Variants in ADAM12 observed in about 807,000 individuals in gnomAD.
ADAM12 encodes the protein disintegrin and metalloproteinase domain-containing protein 12.
A neutral mutation model predicts 106.4 loss-of-function variants in ADAM12; 70 were observed. The ratio of observed to expected loss-of-function variants is 0.66; its 90% CI spans 0.54 to 0.80. ADAM12 has a LOEUF of 0.80. Among genes scored for constraint, ADAM12 ranks in the 30% least tolerant of loss-of-function variants. The pLI is 0.00. For synonymous variants in ADAM12, 420 were observed against 433.5 expected (o/e 0.97, Z 0.39); for missense variants, 1,010 against 1,171.9 (o/e 0.86, Z 2.02).
intron 3 of ADAM12, among the ~76,000 whole-genome samples, chr10:126,163,550 T>C (rs556344099): frequency 1.3e-5 from 2 of 152,330 alleles, no homozygotes; most frequent in South Asian, 2.1e-4. Context: ...TGCTTTCAGA[T>C]CAATATTGAA....
chr10:126,278,348 G>A (rs1483410141), intron 3 of ADAM12, among the ~76,000 whole-genome samples: 1 of 152,074 alleles, frequency 6.6e-6, no homozygotes, highest in Non-Finnish European at 1.5e-5. Flanking sequence ...CTGCTAGTAA[G>A]GCACACAAAA....
At position 126,013,719 on chromosome 10, in the gene ADAM12, A is replaced by G. The variant is rs1953608066; in HGVS notation, c.*3560T>C. ...GTGATAGGGAAAGGTAAACAGATGT[A>G]TTAGCCACTGGCTTTGTGTGGGCAG... On this transcript the variant is annotated 3_prime_UTR_variant, in exon 23 of 23. Coordinates refer to ENST00000448723, the MANE Select transcript of ADAM12 (RefSeq NM_001288973.2). This position sits in a 1 kb window ranked among gnomAD's most constrained non-coding sequence, Gnocchi z 4.3. 1 of 152,310 alleles carries G rather than the reference A, an allele frequency of 6.6e-6. No individual in the cohort carries two copies. Among genetic ancestry groups the G allele is most frequent in the Non-Finnish European group, 1.5e-5 (1 of 68,124 alleles). The allele number at this position is 152,310 out of a possible 1,614,324, so 9.4% of individuals were successfully genotyped here.
At chr10:126,085,707 C>T (rs1375171994) in intron 11 of ADAM12, among the ~76,000 whole-genome samples, 1 of 152,190 alleles carries the variant, frequency 6.6e-6, no homozygotes, top group Non-Finnish European at 1.5e-5. Context: ...ATCCATTCAT[C>T]CACTGACCCA....
Position 126,043,245 on chromosome 10 carries a change from A to G in ADAM12, c.1996-97T>C. On this transcript the variant is annotated intron_variant, in intron 17 of 22. Transcript: ENST00000448723. This position sits in a 1 kb window ranked among gnomAD's most constrained non-coding sequence, Gnocchi z 4.1. ...GGGCCATGGTCAGAGCCCCCCCCCAACACTGACACAGCCAGACTCAGCACA... is the reference window on the plus strand; with the variant it reads ...GGGCCATGGTCAGAGCCCCCCCCCAGCACTGACACAGCCAGACTCAGCACA... 9.0e-7 allele frequency: 1 copy of G among 1,107,578 alleles called. No individual in the cohort carries two copies. Among genetic ancestry groups the G allele is most frequent in the Non-Finnish European group, 1.3e-6 (1 of 758,758 alleles). The allele number at this position is 1,107,578 out of a possible 1,614,324, so 68.6% of individuals were successfully genotyped here.
At chr10:126,267,464 A>C (rs914596156) in intron 3 of ADAM12, among the ~76,000 whole-genome samples, 7 of 152,158 alleles carry the variant, frequency 4.6e-5, no homozygotes, top group Non-Finnish European at 1.0e-4. Flanking sequence ...CTGCAACTAG[A>C]CGATCCCATC....
At chr10:126,041,837 C>T in intron 18 of ADAM12, 1 of 1,218,768 alleles carries the variant, frequency 8.2e-7, no homozygotes, top group Non-Finnish European at 1.0e-6. Context: ...CTCCTTGCTG[C>T]AGGGCTGGGG....
intron 22 of ADAM12, among the ~76,000 whole-genome samples, chr10:126,018,573 C>CTTA (rs1307326273): frequency 5.3e-5 from 8 of 152,162 alleles, no homozygotes; most frequent in African/African-American, 1.9e-4. Flanking sequence ...GTTTTGAGCA[C>CTTA]TTATTACCTT....
intron 3 of ADAM12, among the ~76,000 whole-genome samples, chr10:126,228,680 T>C (rs1958247883): frequency 6.6e-6 from 1 of 152,184 alleles, no homozygotes; most frequent in South Asian, 2.1e-4. Context: ...TCCTTCCTCC[T>C]GGAGCTTTTA....
chr10:126,032,500 T>C (rs1043891672), intron 21 of ADAM12, among the ~76,000 whole-genome samples: 1 of 152,150 alleles, frequency 6.6e-6, no homozygotes, highest in Non-Finnish European at 1.5e-5. Flanking sequence ...TCGGGCCTGC[T>C]TTAAAGGAAA....
chr10:126,227,696 A>G (rs1958225163), intron 3 of ADAM12, among the ~76,000 whole-genome samples: 1 of 152,150 alleles, frequency 6.6e-6, no homozygotes, highest in Admixed American at 6.5e-5. Context: ...TCTCAGCAGA[A>G]AGTGACTGCT....
At chr10:126,209,933 C>T (rs893229258) in intron 3 of ADAM12, among the ~76,000 whole-genome samples, 2 of 152,208 alleles carry the variant, frequency 1.3e-5, no homozygotes, top group South Asian at 2.1e-4. Context: ...TGGGAACAGG[C>T]GACTGCTGAT....
At chr10:126,174,272 C>G (rs1442596940) in intron 3 of ADAM12, among the ~76,000 whole-genome samples, 2 of 151,896 alleles carry the variant, frequency 1.3e-5, no homozygotes, top group African/African-American at 4.8e-5. Context: ...GTGATATACA[C>G]CATGGCCCTT....
At chr10:126,346,113 T>G (rs548218173) in intron 1 of ADAM12, among the ~76,000 whole-genome samples, 37 of 152,222 alleles carry the variant, frequency 2.4e-4, no homozygotes, top group Non-Finnish European at 4.9e-4. Context: ...AATGTGATGT[T>G]AAGGTGTCAA....
intron 1 of ADAM12, among the ~76,000 whole-genome samples, chr10:126,355,266 T>C (rs1855498748): frequency 6.6e-6 from 1 of 152,230 alleles, no homozygotes; most frequent in Non-Finnish European, 1.5e-5. Flanking sequence ...AGGAATAGTG[T>C]TGATTAATAA....
At chr10:126,178,044 C>A (rs1197328887) in intron 3 of ADAM12, among the ~76,000 whole-genome samples, 1 of 152,026 alleles carries the variant, frequency 6.6e-6, no homozygotes, top group Non-Finnish European at 1.5e-5. Context: ...AAACAGTAAC[C>A]GGGAAAGTTT....
At chr10:126,204,731 C>T (rs752058019) in intron 3 of ADAM12, among the ~76,000 whole-genome samples, 1 of 152,214 alleles carries the variant, frequency 6.6e-6, no homozygotes, top group East Asian at 1.9e-4. Context: ...TGTGACCACT[C>T]GGACTGCACA....
chr10:126,283,822 C>A (rs998703605), intron 2 of ADAM12, among the ~76,000 whole-genome samples: 4 of 152,236 alleles, frequency 2.6e-5, no homozygotes, highest in East Asian at 1.9e-4. Context: ...TTAATAAAAT[C>A]CTTCATGGTT....
At position 126,043,553 on chromosome 10, in the gene ADAM12, G is replaced by A. The variant is rs115572854; in HGVS notation, c.1996-405C>T. Among the ~76,000 whole-genome samples the A allele has an allele frequency of 3.3e-3, 510 of 152,292 alleles. 1 individual carries two copies. Among genetic ancestry groups the A allele is most frequent in the African/African-American group, 0.011 (478 of 41,580 alleles). ...CAGACCCAGAGCCCTGGGGCACCGCGGGACCTGACAGATGCTTGGCGCATC... is the reference window on the plus strand; with the variant it reads ...CAGACCCAGAGCCCTGGGGCACCGCAGGACCTGACAGATGCTTGGCGCATC... On this transcript the variant is annotated intron_variant, in intron 17 of 22. Coordinates refer to ENST00000448723, the MANE Select transcript of ADAM12 (RefSeq NM_001288973.2). The surrounding 1 kb of genome is among the most constrained non-coding windows in gnomAD (Gnocchi z 4.1).
intron 2 of ADAM12, among the ~76,000 whole-genome samples, chr10:126,279,973 T>A (rs79893466): frequency 6.6e-6 from 1 of 152,228 alleles, no homozygotes; most frequent in East Asian, 1.9e-4. Context: ...TATGAACGCA[T>A]GAGAATGAGA....
Sources: gnomAD v4.1 joint callset for allele counts (sites outside exome capture counted in the v4.1 genomes callset) on GRCh38, gnomAD v4.1.1 for gene constraint, Gnocchi (gnomAD v3.1) non-coding constraint, MANE v1.5 for transcripts, NCBI Gene and HGNC (gene_info 2026-07-23, HGNC 2026-07-21) for gene names.